Variants in PCDHA3 observed in about 807,000 individuals in gnomAD.
The protein encoded by PCDHA3 is protocadherin alpha 3.
A neutral mutation model predicts 62.2 loss-of-function variants in PCDHA3; 41 were observed. The ratio of observed to expected loss-of-function variants is 0.66; its 90% confidence interval spans 0.51 to 0.86. PCDHA3 has a LOEUF of 0.86. Among genes scored for constraint, PCDHA3 ranks in the 40% least tolerant of loss-of-function variants. The pLI is 0.00. For synonymous variants in PCDHA3, 640 were observed against 555.4 expected (o/e 1.15, Z -2.14); for missense variants, 1,304 against 1,241.2 (o/e 1.05, Z -0.76).
rs139607260 is a variant in PCDHA3, at chr5:140,954,243, A to C, written c.2395-24706A>C. ...TATTGTGAATAGTGCTGCAATGAAC[A>C]TACACATGCAGGTATCTTTATAATA... On this transcript the variant is annotated intron_variant, in intron 1 of 3. Transcript: ENST00000522353. Among the ~76,000 whole-genome samples the C allele has an allele frequency of 3.2e-4, 49 of 152,350 alleles. No individual in the cohort carries two copies. In the East Asian group the frequency reaches 9.1e-3, roughly 28 times the overall value.
At chr5:140,965,521 G>A (rs1554227745) in intron 1 of PCDHA3, among the ~76,000 whole-genome samples, 2 of 150,836 alleles carry the variant, frequency 1.3e-5, no homozygotes, top group East Asian at 3.9e-4. Flanking sequence ...TAACTGCAAA[G>A]CATTAATGGA....
At chr5:140,897,610 C>T (rs1439314706) in intron 1 of PCDHA3, among the ~76,000 whole-genome samples, 2 of 152,078 alleles carry the variant, frequency 1.3e-5, no homozygotes, top group East Asian at 1.9e-4. Context: ...TGGGTTGGTT[C>T]CAAGTCTTTA....
intron 1 of PCDHA3, among the ~76,000 whole-genome samples, chr5:140,832,922 A>T (rs1396769346): frequency 5.9e-5 from 9 of 152,314 alleles, no homozygotes; most frequent in African/African-American, 1.7e-4. Flanking sequence ...ACTAACAGGT[A>T]TTCATGAGAA....
intron 1 of PCDHA3, among the ~76,000 whole-genome samples, chr5:140,972,811 G>A (rs1458279738): frequency 2.6e-5 from 4 of 151,876 alleles, no homozygotes; most frequent in African/African-American, 4.8e-5. Flanking sequence ...TTACAGGCAC[G>A]CGCCACCACG....
intron 1 of PCDHA3, chr5:140,830,060 C>CCGAG: frequency 1.2e-6 from 2 of 1,613,712 alleles, no homozygotes; most frequent in Non-Finnish European, 1.7e-6. Flanking sequence ...CCACGGTGAG[C>CCGAG]CGGCGCTGAC....
At chr5:140,894,363 C>T (rs971503382) in intron 1 of PCDHA3, among the ~76,000 whole-genome samples, 1 of 151,968 alleles carries the variant, frequency 6.6e-6, no homozygotes, top group Admixed American at 6.5e-5. Context: ...ATTTCTTCTT[C>T]AATGGCTCCA....
intron 1 of PCDHA3, among the ~76,000 whole-genome samples, chr5:140,887,315 C>G (rs1239122037): frequency 1.3e-5 from 2 of 152,116 alleles, no homozygotes; most frequent in Non-Finnish European, 2.9e-5. Flanking sequence ...CCAGGATAGT[C>G]TCGAACTCCT....
intron 1 of PCDHA3, chr5:140,876,661 C>T: frequency 1.2e-6 from 2 of 1,614,212 alleles, no homozygotes; most frequent in Non-Finnish European, 1.7e-6. Context: ...TCCCTTCAAG[C>T]TGGTGTCCAC....
intron 1 of PCDHA3, chr5:140,821,878 C>T (rs2150111566): frequency 3.1e-6 from 5 of 1,614,108 alleles, no homozygotes; most frequent in Non-Finnish European, 4.2e-6. Context: ...CTACTCGATC[C>T]CGGAGGAAGC....
chr5:140,897,671 C>T (rs1329195952), intron 1 of PCDHA3, among the ~76,000 whole-genome samples: 1 of 152,066 alleles, frequency 6.6e-6, no homozygotes, highest in Non-Finnish European at 1.5e-5. Flanking sequence ...GTCTTTATAG[C>T]AGCATGATTT....
At chr5:140,860,712 GA>G (rs1321036052) in intron 1 of PCDHA3, 1 of 152,188 alleles carries the variant, frequency 6.6e-6, no homozygotes, top group African/African-American at 2.4e-5. Flanking sequence ...TGTTCTCCAT[GA>G]AAAGTTTTTT....
intron 1 of PCDHA3, chr5:140,830,638 T>C (rs1389009396): frequency 2.4e-5 from 12 of 501,874 alleles, no homozygotes; most frequent in African/African-American, 1.2e-4. Context: ...TTAATCTCTT[T>C]GCTTCTTTAA....
intron 1 of PCDHA3, chr5:140,876,114 A>G: frequency 2.5e-6 from 4 of 1,613,960 alleles, no homozygotes; most frequent in Non-Finnish European, 3.4e-6. Context: ...TGCTGATGGT[A>G]ATCGATGGCG....
intron 1 of PCDHA3, chr5:140,927,184 G>A (rs781951426): frequency 1.2e-6 from 2 of 1,614,160 alleles, no homozygotes; most frequent in South Asian, 1.1e-5. Context: ...CTTGACCTAC[G>A]ACCTGGTGCT....
At chr5:140,966,838 G>A in intron 1 of PCDHA3, 1 of 1,566,774 alleles carries the variant, frequency 6.4e-7, no homozygotes, top group South Asian at 1.2e-5. Context: ...CCTGGCTGCT[G>A]CTACTGCCTC....
chr5:140,988,694 C>T (rs1328459106), intron 3 of PCDHA3, among the ~76,000 whole-genome samples: 1 of 152,180 alleles, frequency 6.6e-6, no homozygotes, highest in Non-Finnish European at 1.5e-5. Flanking sequence ...CCTAGACGCT[C>T]TGTATTTTCT....
At chr5:140,857,656 G>A (rs1269090821) in intron 1 of PCDHA3, 4 of 1,596,690 alleles carry the variant, frequency 2.5e-6, no homozygotes, top group Admixed American at 3.4e-5. Flanking sequence ...AGGTGAGCGC[G>A]CGCGATGGGG....
At chr5:140,953,514 AC>A (rs1209488542) in intron 1 of PCDHA3, among the ~76,000 whole-genome samples, 2 of 152,136 alleles carry the variant, frequency 1.3e-5, no homozygotes, top group Non-Finnish European at 2.9e-5. Flanking sequence ...GGCCAAAGCA[AC>A]AAAAACGGGA....
At chr5:140,947,647 A>G (rs1192426462) in intron 1 of PCDHA3, among the ~76,000 whole-genome samples, 1 of 151,646 alleles carries the variant, frequency 6.6e-6, no homozygotes, top group African/African-American at 2.4e-5. Flanking sequence ...ATGAACATAT[A>G]TACCTCCATT....
Sources: allele counts gnomAD v4.1 joint callset (sites outside exome capture counted in the v4.1 genomes callset), GRCh38; gene constraint gnomAD v4.1.1; transcripts MANE v1.5; gene names NCBI Gene and HGNC (gene_info 2026-07-23, HGNC 2026-07-21).